The following FSTL4 variants were observed in gnomAD, a reference collection of about 807,000 sequenced individuals.
The protein encoded by FSTL4 is follistatin-related protein 4.
FSTL4 carries 28 observed loss-of-function variants against 78.2 expected under a neutral mutation model. That is an observed-to-expected ratio of 0.36 (90% confidence interval 0.27 to 0.49). FSTL4 has a LOEUF of 0.49. Ranked by LOEUF, FSTL4 falls within the 20% of genes least tolerant of loss-of-function variation. FSTL4 has a pLI of 0.98. For synonymous variants in FSTL4, 422 were observed against 440.5 expected (o/e 0.96, Z 0.53); for missense variants, 922 against 1,084.9 (o/e 0.85, Z 2.11).
the FSTL4 span, among the ~76,000 whole-genome samples, chr5:133,680,020 T>A: frequency 1.3e-5 from 2 of 152,182 alleles, no homozygotes; most frequent in Non-Finnish European, 2.9e-5. Context: ...TGAGAGGAGC[T>A]AGGATGTCAG....
chr5:133,643,179 T>C, the FSTL4 span, among the ~76,000 whole-genome samples: 2 of 152,156 alleles, frequency 1.3e-5, no homozygotes, highest in Non-Finnish European at 2.9e-5. Flanking sequence ...TATATGTATA[T>C]GTAAGTATTT....
chr5:133,424,760 T>C (rs1756770276), intron 3 of FSTL4, among the ~76,000 whole-genome samples: 1 of 152,232 alleles, frequency 6.6e-6, no homozygotes, highest in African/African-American at 2.4e-5. Flanking sequence ...GAGAGAGTAC[T>C]GGCTTTGGAG....
intron 2 of FSTL4, among the ~76,000 whole-genome samples, chr5:133,599,624 G>T (rs1760811846): frequency 6.6e-6 from 1 of 151,616 alleles, no homozygotes; most frequent in Admixed American, 6.6e-5. Flanking sequence ...TTTAGAAAAA[G>T]TTCAGTAAAA....
chr5:133,575,867 G>A (rs1371775185), intron 2 of FSTL4, among the ~76,000 whole-genome samples: 1 of 152,180 alleles, frequency 6.6e-6, no homozygotes, highest in African/African-American at 2.4e-5. Context: ...CTTTCTTGAA[G>A]CAGGGAATTA....
chr5:133,826,257 A>G, the FSTL4 span, among the ~76,000 whole-genome samples: 2 of 152,218 alleles, frequency 1.3e-5, no homozygotes, highest in Non-Finnish European at 2.9e-5. Flanking sequence ...ACTGCCTCTG[A>G]TATCTAAAAA....
At chr5:133,829,392 A>G in the FSTL4 span, among the ~76,000 whole-genome samples, 5 of 152,170 alleles carry the variant, frequency 3.3e-5, no homozygotes, top group Non-Finnish European at 5.9e-5. Flanking sequence ...TCTCAAAAAA[A>G]AAGAAAAGAA....
the FSTL4 span, among the ~76,000 whole-genome samples, chr5:133,759,059 C>T: frequency 0.021 from 3,179 of 152,282 alleles, 128 homozygotes; most frequent in African/African-American, 0.072. Context: ...AAATCCAATT[C>T]ACATTCAACG....
chr5:133,549,630 CTG>C (rs67495303), intron 3 of FSTL4, among the ~76,000 whole-genome samples: 42,048 of 151,940 alleles, frequency 0.28, 5,884 homozygotes, highest in South Asian at 0.36. Flanking sequence ...GGATGGAAAA[CTG>C]TCAAAATTAT....
At chr5:133,806,490 T>C in the FSTL4 span, among the ~76,000 whole-genome samples, 6 of 152,210 alleles carry the variant, frequency 3.9e-5, no homozygotes, top group South Asian at 1.2e-3. Context: ...GGCCTCCTTA[T>C]CACAGTATAT....
At chr5:133,833,941 A>T in the FSTL4 span, among the ~76,000 whole-genome samples, 2 of 152,236 alleles carry the variant, frequency 1.3e-5, no homozygotes, top group Non-Finnish European at 2.9e-5. Context: ...TCTTTATCTA[A>T]GAGTCTTCTA....
intron 2 of FSTL4, among the ~76,000 whole-genome samples, chr5:133,581,090 C>T (rs1307127217): frequency 6.6e-6 from 1 of 152,172 alleles, no homozygotes; most frequent in Non-Finnish European, 1.5e-5. Context: ...GATTAGAAGG[C>T]ACTTTCATTG....
chr5:133,374,696 C>T (rs756966716), intron 4 of FSTL4, among the ~76,000 whole-genome samples: 18 of 151,640 alleles, frequency 1.2e-4, no homozygotes, highest in Non-Finnish European at 2.2e-4. Context: ...GATTAATACC[C>T]TTTTAAAAAA....
the FSTL4 span, among the ~76,000 whole-genome samples, chr5:133,634,390 CTCTT>C: frequency 1.3e-5 from 2 of 149,704 alleles, no homozygotes; most frequent in Non-Finnish European, 1.5e-5. Context: ...TTCTCTCTCT[CTCTT>C]TTTTTTTTTC....
At position 133,599,646 on chromosome 5, in the gene FSTL4, C is replaced by T. The variant is rs976034835; in HGVS notation, c.126+4212G>A. On this transcript the variant is annotated intron_variant, in intron 2 of 15. Coordinates refer to ENST00000265342, the MANE Select transcript of FSTL4 (RefSeq NM_015082.2). ...AAAGTTCAGTAAAATGCATGAAAGACGTATAAGACCATGTAACGCCCACCA... is the reference window on the plus strand; with the variant it reads ...AAAGTTCAGTAAAATGCATGAAAGATGTATAAGACCATGTAACGCCCACCA... 4.0e-5 allele frequency among the ~76,000 whole-genome samples: 6 copies of T among 151,750 alleles called. No homozygotes were observed. In the East Asian group the frequency reaches 5.9e-4, roughly 15 times the overall value.
At chr5:133,320,743 C>T (rs1028654639) in intron 4 of FSTL4, among the ~76,000 whole-genome samples, 1 of 152,160 alleles carries the variant, frequency 6.6e-6, no homozygotes, top group African/African-American at 2.4e-5. Context: ...CGTGGTGGCT[C>T]ACGCCTGTAA....
chr5:133,787,527 A>T, the FSTL4 span, among the ~76,000 whole-genome samples: 1 of 152,178 alleles, frequency 6.6e-6, no homozygotes, highest in Non-Finnish European at 1.5e-5. Flanking sequence ...GGATGGGAAG[A>T]AGAGCAAAGA....
chr5:133,728,352 C>T, the FSTL4 span, among the ~76,000 whole-genome samples: 1 of 152,230 alleles, frequency 6.6e-6, no homozygotes, highest in Non-Finnish European at 1.5e-5. Context: ...TCCCAGTCAG[C>T]ACCTCTGTGG....
At chr5:133,788,480 A>C in the FSTL4 span, among the ~76,000 whole-genome samples, 1 of 152,212 alleles carries the variant, frequency 6.6e-6, no homozygotes, top group Non-Finnish European at 1.5e-5. Flanking sequence ...TCACACCAGT[A>C]GCCTCCCAAG....
At chr5:133,513,964 G>T (rs776078998) in intron 3 of FSTL4, among the ~76,000 whole-genome samples, 1 of 152,112 alleles carries the variant, frequency 6.6e-6, no homozygotes, top group African/African-American at 2.4e-5. Context: ...GGATCACGAG[G>T]TCAGGAGATC....
Sources: allele counts gnomAD v4.1 joint callset (sites outside exome capture counted in the v4.1 genomes callset), GRCh38; gene constraint gnomAD v4.1.1; transcripts MANE v1.5; gene names NCBI Gene and HGNC (gene_info 2026-07-23, HGNC 2026-07-21).